FOXN3: variants seen among roughly 807,000 people sequenced by gnomAD.
The protein encoded by FOXN3 is forkhead box protein N3.
In FOXN3, 7 loss-of-function variants were observed where a neutral mutation model predicts 38.4. The observed-to-expected ratio is 0.18, with a 90% CI of 0.10 to 0.34. The LOEUF (loss-of-function observed/expected upper bound fraction) is 0.34, where lower values mean the gene tolerates loss of function less well. FOXN3 is among the 10% of genes least tolerant of loss of function. FOXN3 has a pLI of 1.00. For missense variants in FOXN3, 456 were observed against 613.4 expected (o/e 0.74, Z 2.71); for synonymous variants, 230 against 242.2 (o/e 0.95, Z 0.47).
At chr14:89,190,360 T>C (rs1887911205) in intron 4 of FOXN3, 6 of 1,581,294 alleles carry the variant, frequency 3.8e-6, no homozygotes, top group African/African-American at 1.3e-5. Context: ...TATGGTGCTG[T>C]AGGCTATAGA....
chr14:89,474,464 T>C (rs1256675889), intron 1 of FOXN3, among the ~76,000 whole-genome samples: 1 of 152,232 alleles, frequency 6.6e-6, no homozygotes, highest in African/African-American at 2.4e-5. Context: ...TTGGTTATAA[T>C]AGTCAATTAA....
chr14:89,472,500 C>T (rs1893119881), intron 1 of FOXN3, among the ~76,000 whole-genome samples: 2 of 152,074 alleles, frequency 1.3e-5, no homozygotes, highest in South Asian at 4.1e-4. Flanking sequence ...GCGGGCAGAT[C>T]ACGAGGTCAG....
At chr14:89,259,767 T>C (rs901914784) in intron 4 of FOXN3, among the ~76,000 whole-genome samples, 2 of 152,204 alleles carry the variant, frequency 1.3e-5, no homozygotes, top group African/African-American at 4.8e-5. Context: ...CTTCCAGGCT[T>C]TGGGGTCAAC....
intron 3 of FOXN3, among the ~76,000 whole-genome samples, chr14:89,345,703 C>A (rs1888740582): frequency 6.6e-6 from 1 of 152,206 alleles, no homozygotes; most frequent in Non-Finnish European, 1.5e-5. Context: ...TTAGCACCCA[C>A]TTATAAGTGA....
intron 1 of FOXN3, among the ~76,000 whole-genome samples, chr14:89,511,880 AG>A (rs1488169343): frequency 6.6e-6 from 1 of 152,192 alleles, no homozygotes; most frequent in Non-Finnish European, 1.5e-5. Context: ...CCAGCAAAGG[AG>A]GAAGCCTCTT....
At chr14:89,221,102 G>A (rs533794158) in intron 4 of FOXN3, among the ~76,000 whole-genome samples, 39 of 152,220 alleles carry the variant, frequency 2.6e-4, no homozygotes, top group Middle Eastern at 3.4e-3. Flanking sequence ...GCAGAAGCCT[G>A]TGTGTGTAAT....
At chr14:89,590,098 T>G (rs889001697) in intron 1 of FOXN3, among the ~76,000 whole-genome samples, 2 of 152,112 alleles carry the variant, frequency 1.3e-5, no homozygotes, top group Admixed American at 6.5e-5. Context: ...GATGTTACCA[T>G]TTGAATCTAC....
At chr14:89,618,302 G>T (rs886295494) in intron 1 of FOXN3, among the ~76,000 whole-genome samples, 1 of 152,174 alleles carries the variant, frequency 6.6e-6, no homozygotes, top group Non-Finnish European at 1.5e-5. Flanking sequence ...GAGAAAGATT[G>T]CATTTCCCTT....
rs576506139 is a variant in FOXN3 at position 89,222,191 on chromosome 14, C to G, written c.746-41385G>C. 5.3e-5 allele frequency among the ~76,000 whole-genome samples: 8 copies of G among 152,316 alleles called. No individual in the cohort carries two copies. The East Asian group carries it at 1.5e-3, about 29-fold the overall frequency. ...GGCCATTGCTGTGGCACACAGAGCT[C>G]TCCAGAGCTGATGTCACCTGAGAAG... On this transcript the variant is annotated intron_variant, in intron 4 of 5. Transcript: ENST00000557258.
At chr14:89,551,337 GT>G (rs1566696561) in intron 1 of FOXN3, among the ~76,000 whole-genome samples, 3 of 152,152 alleles carry the variant, frequency 2.0e-5, no homozygotes, top group African/African-American at 7.2e-5. Context: ...AATCAGATCA[GT>G]TTTGTGAGAC....
chr14:89,341,443 G>A lies in FOXN3; in HGVS notation c.680+9229C>T, dbSNP rs186389806. ...CATGGATGCCCCTGCCAACCTGATCGCTTTCCTTATCAATCCCCCATTCTA... is the reference window on the plus strand; with the variant it reads ...CATGGATGCCCCTGCCAACCTGATCACTTTCCTTATCAATCCCCCATTCTA... On this transcript the variant is annotated intron_variant, in intron 3 of 5. Coordinates refer to ENST00000557258, the MANE Select transcript of FOXN3 (RefSeq NM_005197.4). Among the ~76,000 whole-genome samples, 12 of 152,226 alleles carry A rather than the reference G, an allele frequency of 7.9e-5. No individual in the cohort carries two copies. The East Asian group carries it at 1.7e-3, about 22-fold the overall frequency.
intron 2 of FOXN3, among the ~76,000 whole-genome samples, chr14:89,359,449 A>T (rs1889368806): frequency 6.6e-6 from 1 of 152,240 alleles, no homozygotes; most frequent in Non-Finnish European, 1.5e-5. Context: ...TGCAGATTTC[A>T]TCTAAAAAAA....
intron 2 of FOXN3, among the ~76,000 whole-genome samples, chr14:89,383,029 G>GTTTTTTTTTTTTTTTTTTTTTTTTT (rs57032907): frequency 2.2e-5 from 2 of 92,514 alleles, no homozygotes; most frequent in Non-Finnish European, 4.0e-5. Context: ...TTTGGGTGGT[G>GTTTTTTTTTTTTTTTTTTTTTTTTT]TTTTTTTTTT....
At chr14:89,278,759 C>T (rs1306251170) in intron 4 of FOXN3, among the ~76,000 whole-genome samples, 1 of 152,132 alleles carries the variant, frequency 6.6e-6, no homozygotes, top group Non-Finnish European at 1.5e-5. Flanking sequence ...AAATTTTCTT[C>T]CACTTGCTAT....
At position 89,301,157 on chromosome 14, in the gene FOXN3, T is replaced by C. The variant is rs192999342; in HGVS notation, c.681-20143A>G. ...TCCTATGGTTTATTACATCTATTTATGGTTGGCTTCAAAGTGACAAAGTGA... is the reference window on the plus strand; with the variant it reads ...TCCTATGGTTTATTACATCTATTTACGGTTGGCTTCAAAGTGACAAAGTGA... On this transcript the variant is annotated intron_variant, in intron 3 of 5. Transcript: ENST00000557258. Among the ~76,000 whole-genome samples the C allele has an allele frequency of 4.6e-5, 7 of 152,264 alleles. No homozygotes were observed. The East Asian group carries it at 1.3e-3, about 29-fold the overall frequency.
In FOXN3 at chr14:89,187,259, C is replaced by T. The variant is rs140616557; in HGVS notation, c.746-6453G>A. ...GAAAACAAGGGGCTATAAATAGCAC[C>T]GCACGAGGAAGCTCTATCAACAGAG... On this transcript the variant is annotated intron_variant, in intron 4 of 5. Transcript: ENST00000557258. 1.5e-3 allele frequency among the ~76,000 whole-genome samples: 221 copies of T among 152,320 alleles called. 1 individual carries two copies. Among genetic ancestry groups the T allele is most frequent in the African/African-American group, 5.0e-3 (207 of 41,562 alleles).
rs568889983 is a variant in FOXN3, at chr14:89,312,153, C to T, written c.681-31139G>A. ...TACAAAAAGTAGCTGGGTGTGGTGG[C>T]GGGCACCTGTAATCCCAGCTACTCG... On this transcript the variant is annotated intron_variant, in intron 3 of 5. Coordinates refer to ENST00000557258, the MANE Select transcript of FOXN3 (RefSeq NM_005197.4). 1.2e-4 allele frequency among the ~76,000 whole-genome samples: 18 copies of T among 151,634 alleles called. No homozygotes were observed. The East Asian group carries it at 2.1e-3, about 18-fold the overall frequency.
intron 4 of FOXN3, among the ~76,000 whole-genome samples, chr14:89,209,668 A>G (rs528156418): frequency 3.9e-5 from 6 of 152,360 alleles, no homozygotes; most frequent in Non-Finnish European, 5.9e-5. Flanking sequence ...AGCAAAACTT[A>G]CCCACTATTC....
chr14:89,281,723 A>T (rs764048557), intron 3 of FOXN3, among the ~76,000 whole-genome samples: 20 of 152,230 alleles, frequency 1.3e-4, no homozygotes, highest in Non-Finnish European at 2.6e-4. Flanking sequence ...AGAAAACTTT[A>T]TAACCAAGCC....
Sources: allele counts gnomAD v4.1 joint callset (sites outside exome capture counted in the v4.1 genomes callset), GRCh38; gene constraint gnomAD v4.1.1; transcripts MANE v1.5; gene names NCBI Gene and HGNC (gene_info 2026-07-23, HGNC 2026-07-21).